Variants in EPHA3 observed in about 807,000 individuals in gnomAD.
The protein encoded by EPHA3 is ephrin type-A receptor 3.
A neutral mutation model predicts 107.1 loss-of-function variants in EPHA3; 42 were observed. The observed-to-expected ratio is 0.39, with a 90% confidence interval of 0.31 to 0.51. The LOEUF is 0.51. Among genes scored for constraint, EPHA3 ranks in the 20% least tolerant of loss-of-function variants. The pLI is 0.78. For missense variants in EPHA3, 1,183 were observed against 1,211.2 expected, an observed-to-expected ratio of 0.98 and a Z score of 0.35; for synonymous variants, 461 against 424.8, an observed-to-expected ratio of 1.09 and a Z score of -1.05.
At chr3:89,220,838 A>T (rs57468276) in intron 3 of EPHA3, among the ~76,000 whole-genome samples, 20,904 of 152,198 alleles carry the variant, frequency 0.14, 1,447 homozygotes, top group African/African-American at 0.16. Context: ...TCCTTTGACA[A>T]TTAGAGTGGC....
At chr3:89,411,402 T>C (rs923925126) in intron 9 of EPHA3, among the ~76,000 whole-genome samples, 7 of 151,876 alleles carry the variant, frequency 4.6e-5, no homozygotes, top group African/African-American at 1.7e-4. Flanking sequence ...TGTAGCTGTA[T>C]CAGCACCAGG....
At chr3:89,180,244 A>G (rs1705411130) in intron 2 of EPHA3, among the ~76,000 whole-genome samples, 1 of 151,958 alleles carries the variant, frequency 6.6e-6, no homozygotes, top group Non-Finnish European at 1.5e-5. Context: ...AGATATCTTA[A>G]ATAGACCAGG....
chr3:89,401,773 A>G (rs887271833), intron 7 of EPHA3, among the ~76,000 whole-genome samples: 1 of 151,988 alleles, frequency 6.6e-6, no homozygotes, highest in African/African-American at 2.4e-5. Flanking sequence ...ACGTCTGGCT[A>G]ATTTTTTTTG....
At position 89,127,213 on chromosome 3, in the gene EPHA3, T is replaced by A; in HGVS notation, c.93T>A (p.Asn31Lys). Residue 31 changes from asparagine (N) to lysine (K), a missense_variant, in exon 2 of 17, where the codon AAT becomes AAA. Coordinates refer to ENST00000336596, the MANE Select transcript of EPHA3 (RefSeq NM_005233.6). The part of the protein sequence containing the change: ...ELIPQPSNEV[N>K]LLDSKTIQGE... ...GTGTATTATGTTTTATTTTAGTCAA[T>A]CTACTGGATTCAAAAACAATTCAAG... 1.9e-6 allele frequency: 3 copies of A among 1,611,348 alleles called. No individual in the cohort carries two copies. The highest frequency in any genetic ancestry group is 2.5e-6 in the Non-Finnish European group (3 of 1,177,868).
intron 14 of EPHA3, 142 bp from the exon 15 acceptor site, chr3:89,450,035 A>G (rs953739055): frequency 3.5e-6 from 2 of 575,624 alleles, no homozygotes; most frequent in Admixed American, 7.2e-5. Flanking sequence ...ATCAGTTGTT[A>G]TCCTTTTAGG....
intron 3 of EPHA3, among the ~76,000 whole-genome samples, chr3:89,283,303 A>G (rs1512910): frequency 0.5 from 75,309 of 151,834 alleles, 19,622 homozygotes; most frequent in African/African-American, 0.65. Context: ...GCTTCCTGAA[A>G]CAGAGGAAAA....
chr3:89,180,316 A>G (rs955361763), intron 2 of EPHA3, among the ~76,000 whole-genome samples: 2 of 147,040 alleles, frequency 1.4e-5, no homozygotes, highest in African/African-American at 5.1e-5. Flanking sequence ...TTTTTTTTTT[A>G]AAGTAAGTTA....
At chr3:89,141,111 G>C (rs947652667) in intron 2 of EPHA3, among the ~76,000 whole-genome samples, 1 of 151,498 alleles carries the variant, frequency 6.6e-6, no homozygotes, top group Non-Finnish European at 1.5e-5. Flanking sequence ...CCCATAAAAT[G>C]CACGTCACCA....
In EPHA3 at chr3:89,326,200, T is replaced by C. The variant is rs1707162996; in HGVS notation, c.815-14716T>C. The stretch of plus-strand genomic sequence containing the variant: ...TCCAGGACCCCTGAGGATACCAAAA[T>C]CCATGGATGCTCAAGTCCCTTGTAT... On this transcript the variant is annotated intron_variant, in intron 3 of 16. Transcript: ENST00000336596. Among the ~76,000 whole-genome samples the C allele has an allele frequency of 2.0e-5, 3 of 152,032 alleles. No individual in the cohort carries two copies. In the South Asian group the frequency reaches 6.2e-4, roughly 31 times the overall value.
In EPHA3 at chr3:89,419,088, G is replaced by A. The variant is rs558166726; in HGVS notation, c.1889-117G>A. ...TTTGGAGTACTAGAGTGTACATCTT[G>A]CAGGTCAAAGGCACAAATATTTTAA... On this transcript the variant is annotated intron_variant, in intron 10 of 16. Transcript: ENST00000336596. The A allele has an allele frequency of 5.8e-6, 6 of 1,033,468 alleles. No homozygotes were observed. The Admixed American group carries it at 1.3e-4, about 23-fold the overall frequency. The allele number at this position is 1,033,468 out of a possible 1,614,324, so 64.0% of individuals were successfully genotyped here. A position where few individuals can be genotyped will look rare whatever the true frequency, so the allele number is the denominator to read the frequency against.
chr3:89,151,920 C>G (rs1172732629), intron 2 of EPHA3, among the ~76,000 whole-genome samples: 1 of 151,972 alleles, frequency 6.6e-6, no homozygotes. Context: ...ATCCACTTAC[C>G]TTTACTCTTA....
At chr3:89,351,401 T>A (rs1298919838) in intron 5 of EPHA3, among the ~76,000 whole-genome samples, 2 of 150,726 alleles carry the variant, frequency 1.3e-5, no homozygotes, top group African/African-American at 4.9e-5. Flanking sequence ...CGTCACCCCT[T>A]TCTTTGACTC....
intron 5 of EPHA3, among the ~76,000 whole-genome samples, chr3:89,351,140 T>C (rs1205073236): frequency 1.3e-5 from 2 of 151,294 alleles, no homozygotes; most frequent in Non-Finnish European, 3.0e-5. Flanking sequence ...TGTGGTGGGC[T>C]CCACCCAGTT....
chr3:89,135,341 G>C (rs1704288735), intron 2 of EPHA3, among the ~76,000 whole-genome samples: 1 of 152,006 alleles, frequency 6.6e-6, no homozygotes, highest in Non-Finnish European at 1.5e-5. Flanking sequence ...TCATTTGATT[G>C]ATCTTTATTT....
chr3:89,192,518 C>T (rs1354070417), intron 2 of EPHA3, among the ~76,000 whole-genome samples: 2 of 151,974 alleles, frequency 1.3e-5, no homozygotes, highest in Admixed American at 6.6e-5. Flanking sequence ...TATGTATACA[C>T]ATCAAGTAGA....
At chr3:89,195,847 A>T (rs374963228) in intron 2 of EPHA3, among the ~76,000 whole-genome samples, 2 of 152,292 alleles carry the variant, frequency 1.3e-5, no homozygotes, top group South Asian at 4.1e-4. Flanking sequence ...ATTGTTGCTT[A>T]AATCTCACGA....
At chr3:89,197,407 A>G (rs1342145188) in intron 2 of EPHA3, among the ~76,000 whole-genome samples, 1 of 16,338 alleles carries the variant, frequency 6.1e-5, no homozygotes, top group Admixed American at 1.0e-3. Context: ...TGAAATAAAA[A>G]CATAAAAAAA....
chr3:89,415,467 A>AATATATATATATATATATATATATAT (rs71621548), intron 10 of EPHA3, among the ~76,000 whole-genome samples: 5 of 131,622 alleles, frequency 3.8e-5, no homozygotes, highest in Admixed American at 7.7e-5. Flanking sequence ...TTACAGAAAG[A>AATATATATATATATATATATATATAT]ATATATATAT....
intron 15 of EPHA3, among the ~76,000 whole-genome samples, chr3:89,459,120 A>G (rs541980506): frequency 1.3e-5 from 2 of 152,312 alleles, no homozygotes; most frequent in Non-Finnish European, 2.9e-5. Flanking sequence ...AGGTGCAGCA[A>G]ACCACCAAGT....
Sources: gnomAD v4.1 joint callset for allele counts (sites outside exome capture counted in the v4.1 genomes callset) on GRCh38, gnomAD v4.1.1 for gene constraint, MANE v1.5 for transcripts, NCBI Gene and HGNC (gene_info 2026-07-23, HGNC 2026-07-21) for gene names.